The following EYS variants were observed in gnomAD, a reference collection of about 807,000 sequenced individuals.
EYS encodes the protein EGF-like photoreceptor maintenance factor, also known as protein eyes shut homolog.
EYS carries 250 observed loss-of-function variants against 282.1 expected under a neutral mutation model. The ratio of observed to expected loss-of-function variants is 0.89; its 90% CI spans 0.80 to 0.98. EYS has a LOEUF of 0.98. EYS is among the 50% of genes least tolerant of loss of function. The pLI is 0.00. For synonymous variants in EYS, 1,355 were observed against 1,282.9 expected (o/e 1.06, Z -1.20); for missense variants, 4,016 against 3,709.0 (o/e 1.08, Z -2.15).
chr6:64,731,480 G>C lies in EYS; in HGVS notation c.3443+81898C>G, dbSNP rs1336521279. The stretch of plus-strand genomic sequence containing the variant: ...AACAAATGTACAAGAAAAATACAAT[G>C]CTATCAAAAAGTGGGCGAAGGACAG... On this transcript the variant is annotated intron_variant, in intron 22 of 42. Transcript: ENST00000503581. Among the ~76,000 whole-genome samples, 5 of 152,078 alleles carry C rather than the reference G, an allele frequency of 3.3e-5. No individual in the cohort carries two copies. The South Asian group carries it at 1.0e-3, about 32-fold the overall frequency.
At chr6:64,458,945 G>C (rs999811596) in intron 26 of EYS, among the ~76,000 whole-genome samples, 2 of 152,072 alleles carry the variant, frequency 1.3e-5, no homozygotes, top group South Asian at 2.1e-4. Flanking sequence ...CACAGTCTTT[G>C]CAATACTTTA....
rs946668616 is a variant in EYS, at chr6:64,527,456, T to G, written c.5644+62767A>C. On this transcript the variant is annotated intron_variant, in intron 26 of 42. Transcript: ENST00000503581. The stretch of plus-strand genomic sequence containing the variant: ...TTTTTAGCAGTCCTACCAGTAGGAT[T>G]TCAGAGGCATTCTTATTTCTCTGAC... 4.6e-5 allele frequency among the ~76,000 whole-genome samples: 7 copies of G among 151,840 alleles called. 1 individual carries two copies. Among genetic ancestry groups the G allele is most frequent in the Non-Finnish European group, 1.0e-4 (7 of 67,790 alleles).
intron 22 of EYS, among the ~76,000 whole-genome samples, chr6:64,752,131 T>C (rs1025820882): frequency 1.3e-5 from 2 of 151,958 alleles, no homozygotes; most frequent in Non-Finnish European, 2.9e-5. Flanking sequence ...TTACTCTAAC[T>C]CTTCAGCAAT....
intron 8 of EYS, among the ~76,000 whole-genome samples, chr6:65,364,705 G>A (rs950514790): frequency 1.3e-5 from 2 of 151,482 alleles, no homozygotes; most frequent in Non-Finnish European, 2.9e-5. Flanking sequence ...TTAAAGTTCA[G>A]CTCCTTCTCC....
At chr6:63,962,281 CT>C (rs1175978208) in intron 35 of EYS, among the ~76,000 whole-genome samples, 1 of 152,146 alleles carries the variant, frequency 6.6e-6, no homozygotes, top group African/African-American at 2.4e-5. Context: ...AACTAAAGAG[CT>C]TCTGCACAGC....
At chr6:64,133,609 ATGT>A (rs1483476128) in intron 31 of EYS, among the ~76,000 whole-genome samples, 1 of 151,924 alleles carries the variant, frequency 6.6e-6, no homozygotes, top group East Asian at 1.9e-4. Context: ...TGTTTTAATG[ATGT>A]TTTAAACTTT....
At chr6:65,001,196 G>T (rs1209390361) in intron 13 of EYS, among the ~76,000 whole-genome samples, 1 of 148,786 alleles carries the variant, frequency 6.7e-6, no homozygotes, top group African/African-American at 2.4e-5. Context: ...AGGCCAGTAT[G>T]ATAGCTATCT....
At position 64,813,488 on chromosome 6, in the gene EYS, A is replaced by G; in HGVS notation, c.3333T>C (p.Gly1111=). The G allele has an allele frequency of 6.4e-7, 1 of 1,550,702 alleles. No homozygotes were observed. The highest frequency in any genetic ancestry group is 2.4e-5 in the East Asian group (1 of 40,878). ...FTCICPRGYT[G]AYCEKSIDNC... is the part of the protein sequence containing the mutation. ...TATCAATGCTTTTTTCACAGTATGCACCAGTGTATCCACGTGGGCAAATGC... is the reference window on the plus strand; with the variant it reads ...TATCAATGCTTTTTTCACAGTATGCGCCAGTGTATCCACGTGGGCAAATGC... Residue 1111 remains glycine, a synonymous_variant, in exon 22 of 43, where the codon GGT becomes GGC. Transcript: ENST00000503581.
intron 41 of EYS, among the ~76,000 whole-genome samples, chr6:63,755,010 T>G (rs1769440961): frequency 6.6e-6 from 1 of 152,074 alleles, no homozygotes; most frequent in Non-Finnish European, 1.5e-5. Context: ...GTCTGTTCAT[T>G]TCCTTTGCCC....
At position 65,494,689 on chromosome 6, in the gene EYS, T is replaced by C. The variant is rs761344754; in HGVS notation, c.722A>G (p.Glu241Gly). ...TGTAAATGGTGGGTGACAGACACAT[T>C]CATATGCTTGCTCATCCCAATTTTC... ...KRENWDEQAY[E>G]CVCHPPFTGK... Residue 241 changes from glutamate (E) to glycine (G), a missense_variant, in exon 4 of 43, where the codon GAA becomes GGA. Physicochemically the swap from Glu to Gly is moderately conservative, Grantham distance 98. Transcript: ENST00000503581. 3 of 1,581,118 alleles carry C rather than the reference T, an allele frequency of 1.9e-6. No homozygotes were observed. In the Admixed American group the frequency reaches 5.4e-5, roughly 28 times the overall value.
intron 39 of EYS, 197 bp from the exon 40 acceptor site, chr6:63,778,377 G>T (rs769432401): frequency 3.7e-4 from 211 of 564,830 alleles, no homozygotes; most frequent in Admixed American, 5.5e-4. Context: ...TTTCACAGCA[G>T]ACAACTATTA....
chr6:64,840,727 C>A (rs895913011), intron 19 of EYS, among the ~76,000 whole-genome samples: 2 of 152,022 alleles, frequency 1.3e-5, no homozygotes, highest in African/African-American at 4.8e-5. Flanking sequence ...CAAGTGTTAA[C>A]TGATTGCTTA....
intron 1 of EYS, among the ~76,000 whole-genome samples, chr6:65,706,289 G>A (rs1044873080): frequency 6.6e-6 from 1 of 151,540 alleles, no homozygotes; most frequent in Non-Finnish European, 1.5e-5. Flanking sequence ...GTAAGCAATG[G>A]TCCCTTATTT....
intron 31 of EYS, among the ~76,000 whole-genome samples, chr6:64,188,071 C>T (rs1193280631): frequency 1.3e-5 from 2 of 152,032 alleles, no homozygotes; most frequent in African/African-American, 4.8e-5. Flanking sequence ...TTAGATGGAA[C>T]AATCATTTAA....
chr6:64,473,081 T>C (rs1048448949), intron 26 of EYS, among the ~76,000 whole-genome samples: 1 of 152,200 alleles, frequency 6.6e-6, no homozygotes. Flanking sequence ...AGTCAACTTA[T>C]ACTCATTAGG....
intron 12 of EYS, among the ~76,000 whole-genome samples, chr6:65,242,372 T>C (rs1201261929): frequency 3.3e-5 from 5 of 152,110 alleles, no homozygotes. Flanking sequence ...TAAATGGTAA[T>C]GACCAATATG....
intron 12 of EYS, among the ~76,000 whole-genome samples, chr6:65,281,990 G>T (rs1006713026): frequency 6.6e-6 from 1 of 151,836 alleles, no homozygotes; most frequent in Non-Finnish European, 1.5e-5. Flanking sequence ...ATTGTGAATA[G>T]TACTGAAATG....
rs1562254227 is a variant in EYS at position 65,550,143 on chromosome 6, C to CTTTCTTT, written c.-332-54151_-332-54150insAAAGAAA. ...AAGTTAGTATCTGACTCTACTATAT[C>CTTTCTTT]TTTTTTTTTTTTTTTTTTTTTTTTT... On this transcript the variant is annotated intron_variant, in intron 2 of 42. Transcript: ENST00000503581. Among the ~76,000 whole-genome samples, 44 of 5,956 alleles carry CTTTCTTT rather than the reference C, an allele frequency of 7.4e-3. 12 individuals carry two copies. The highest frequency in any genetic ancestry group is 0.051 in the South Asian group (5 of 98). 3.9% of individuals were successfully genotyped at this position (5,956 alleles called of 152,430 possible).
chr6:63,914,797 A>G (rs181089236), intron 35 of EYS, among the ~76,000 whole-genome samples: 1 of 152,228 alleles, frequency 6.6e-6, no homozygotes, highest in East Asian at 1.9e-4. Flanking sequence ...AACAAACCAG[A>G]CAACATTCCT....
Sources: allele counts gnomAD v4.1 joint callset (sites outside exome capture counted in the v4.1 genomes callset), GRCh38; gene constraint gnomAD v4.1.1; transcripts MANE v1.5; gene names NCBI Gene and HGNC (gene_info 2026-07-23, HGNC 2026-07-21).